Variants in ZC3H12B observed in about 807,000 individuals in gnomAD.
The protein encoded by ZC3H12B is zinc finger CCCH-type containing 12B.
Under a neutral mutation model 43.9 loss-of-function variants are expected in ZC3H12B, and 7 were observed. The observed-to-expected ratio is 0.16, with a 90% CI of 0.09 to 0.30. The LOEUF (loss-of-function observed/expected upper bound fraction) is 0.30, where lower values mean the gene tolerates loss of function less well. ZC3H12B is among the 10% of genes least tolerant of loss of function. The pLI is 1.00. For synonymous variants in ZC3H12B, 222 were observed against 241.7 expected, an observed-to-expected ratio of 0.92 and a Z score of 0.76; for missense variants, 475 against 670.2, an observed-to-expected ratio of 0.71 and a Z score of 3.22.
At chrX:65,377,835 C>T (rs1029663026) in intron 2 of ZC3H12B, among the ~76,000 whole-genome samples, 1 of 111,273 alleles carries the variant, frequency 9.0e-6, no homozygotes, top group African/African-American at 3.3e-5. Context: ...CACAGCAGCT[C>T]AGCCTGTAAT....
At chrX:65,061,163 T>C in the ZC3H12B span, among the ~76,000 whole-genome samples, 1 of 111,800 alleles carries the variant, frequency 8.9e-6, no homozygotes, top group African/African-American at 3.2e-5. Context: ...TATTTTTTTA[T>C]TATACTTTAA....
chrX:65,309,452 G>C, the ZC3H12B span, among the ~76,000 whole-genome samples: 2 of 112,002 alleles, frequency 1.8e-5, no homozygotes, highest in Non-Finnish European at 3.8e-5. Context: ...CCAGGAAGAA[G>C]TTGAATCTCT....
chrX:65,322,330 G>A, the ZC3H12B span, among the ~76,000 whole-genome samples: 1 of 111,926 alleles, frequency 8.9e-6, no homozygotes. Context: ...GCTTCCATTA[G>A]GCCTCAACTC....
At chrX:65,340,359 C>T in the ZC3H12B span, among the ~76,000 whole-genome samples, 1 of 112,143 alleles carries the variant, frequency 8.9e-6, no homozygotes, top group African/African-American at 3.2e-5. Context: ...AACAATCATG[C>T]ACCACATTGT....
At chrX:65,389,987 G>A (rs900303479) in intron 2 of ZC3H12B, among the ~76,000 whole-genome samples, 4 of 112,198 alleles carry the variant, frequency 3.6e-5, no homozygotes, top group African/African-American at 1.3e-4. Flanking sequence ...ATTCACAATA[G>A]CAAAGACTTG....
At chrX:65,255,224 CAAGATGACTATTCCCAAG>C in the ZC3H12B span, among the ~76,000 whole-genome samples, 11 of 111,066 alleles carry the variant, frequency 9.9e-5, no homozygotes, top group Non-Finnish European at 2.1e-4. Flanking sequence ...AGGTACTATA[CAAGATGACTATTCCCAAG>C]ACACATAGTC....
intron 2 of ZC3H12B, among the ~76,000 whole-genome samples, chrX:65,392,187 C>A (rs188460144): frequency 1.6e-4 from 18 of 111,688 alleles, no homozygotes; most frequent in Non-Finnish European, 2.6e-4. Context: ...TGGCCGCCAC[C>A]CCGTCTAGGA....
intron 2 of ZC3H12B, among the ~76,000 whole-genome samples, chrX:65,376,764 C>A (rs1211305308): frequency 9.0e-6 from 1 of 111,520 alleles, no homozygotes; most frequent in Admixed American, 9.6e-5. Flanking sequence ...CACTCAAGTC[C>A]TTTCAAATAC....
chrX:65,128,037 C>G, the ZC3H12B span, among the ~76,000 whole-genome samples: 4 of 111,664 alleles, frequency 3.6e-5, no homozygotes, highest in African/African-American at 1.3e-4. Flanking sequence ...TTCAAAGGGT[C>G]TGTGGTTTCT....
chrX:65,215,940 G>T, the ZC3H12B span, among the ~76,000 whole-genome samples: 2 of 111,461 alleles, frequency 1.8e-5, no homozygotes, highest in Non-Finnish European at 3.8e-5. Context: ...GAGGAAGAGA[G>T]ATGTGGAAGT....
At chrX:65,206,582 C>T in the ZC3H12B span, among the ~76,000 whole-genome samples, 3 of 111,744 alleles carry the variant, frequency 2.7e-5, no homozygotes, top group East Asian at 8.4e-4. Context: ...TCAGAAAAAT[C>T]CTTCTGGACA....
the ZC3H12B span, among the ~76,000 whole-genome samples, chrX:65,290,763 A>C: frequency 9.0e-6 from 1 of 111,555 alleles, no homozygotes; most frequent in African/African-American, 3.2e-5. Flanking sequence ...AAAAAGACAA[A>C]TGCCACATAT....
chrX:65,328,385 C>A, the ZC3H12B span: 1 of 234,650 alleles, frequency 4.3e-6, no homozygotes, highest in East Asian at 1.1e-4. Flanking sequence ...TAATGAAACC[C>A]ACATTCTTCT....
intron 3 of ZC3H12B, among the ~76,000 whole-genome samples, chrX:65,459,677 T>G (rs759838217): frequency 9.8e-5 from 11 of 111,878 alleles, no homozygotes; most frequent in African/African-American, 3.2e-4. Context: ...CTAAAATCTC[T>G]CAATAAATTA....
intron 3 of ZC3H12B, among the ~76,000 whole-genome samples, chrX:65,440,282 G>C (rs1442781699): frequency 8.9e-6 from 1 of 112,242 alleles, no homozygotes; most frequent in East Asian, 2.8e-4. Context: ...TAAAAAGGGT[G>C]CATTCTACTT....
chrX:65,189,741 G>C, the ZC3H12B span, among the ~76,000 whole-genome samples: 1 of 110,088 alleles, frequency 9.1e-6, no homozygotes, highest in Non-Finnish European at 1.9e-5. Flanking sequence ...CTCCCATTTT[G>C]TAAGTTGCCT....
chrX:65,241,469 C>A, the ZC3H12B span, among the ~76,000 whole-genome samples: 2 of 105,047 alleles, frequency 1.9e-5, no homozygotes. Flanking sequence ...GGGCTTCATC[C>A]CTGGAAGAGA....
At chrX:65,116,003 G>C in the ZC3H12B span, among the ~76,000 whole-genome samples, 1 of 111,295 alleles carries the variant, frequency 9.0e-6, no homozygotes, top group Non-Finnish European at 1.9e-5. Flanking sequence ...TGGGTTGTGT[G>C]TTAACTCTGC....
At chrX:65,212,904 T>G in the ZC3H12B span, among the ~76,000 whole-genome samples, 3 of 106,733 alleles carry the variant, frequency 2.8e-5, no homozygotes, top group Non-Finnish European at 5.8e-5. Context: ...TAAATGATAA[T>G]AAAGTCCAAC....
Sources: allele counts gnomAD v4.1 joint callset (sites outside exome capture counted in the v4.1 genomes callset), GRCh38; gene constraint gnomAD v4.1.1; transcripts MANE v1.5; gene names NCBI Gene and HGNC (gene_info 2026-07-23, HGNC 2026-07-21).